ANKS1B: variants seen among roughly 807,000 people sequenced by gnomAD.
ANKS1B encodes ankyrin repeat and sterile alpha motif domain containing 1B, also known as ankyrin repeat and sterile alpha motif domain-containing protein 1B.
Under a neutral mutation model 148.3 loss-of-function variants are expected in ANKS1B, and 36 were observed. That is an observed-to-expected ratio of 0.24 (90% CI 0.19 to 0.32). ANKS1B has a LOEUF of 0.32. Among genes scored for constraint, ANKS1B ranks in the 10% least tolerant of loss-of-function variants. ANKS1B has a pLI of 1.00. For missense variants in ANKS1B, 1,157 were observed against 1,542.6 expected (o/e 0.75, Z 4.19); for synonymous variants, 542 against 560.8 (o/e 0.97, Z 0.47).
At chr12:99,964,909 G>C (rs1297657858) in intron 1 of ANKS1B, among the ~76,000 whole-genome samples, 2 of 152,120 alleles carry the variant, frequency 1.3e-5, no homozygotes, top group African/African-American at 4.8e-5. Flanking sequence ...GTGGAGAGGA[G>C]ATTGATAGCA....
chr12:99,227,866 A>G (rs2086194323), intron 14 of ANKS1B, among the ~76,000 whole-genome samples: 1 of 152,166 alleles, frequency 6.6e-6, no homozygotes, highest in African/African-American at 2.4e-5. Flanking sequence ...TAAAGAACTT[A>G]TCTATCTTAC....
chr12:99,002,487 TC>T (rs2099933600), intron 17 of ANKS1B, among the ~76,000 whole-genome samples: 1 of 112,518 alleles, frequency 8.9e-6, no homozygotes, highest in Non-Finnish European at 1.8e-5. Context: ...TGTACTTATC[TC>T]TCTTTTTTTT....
rs1239415138 is a variant in ANKS1B, at chr12:99,431,047, T to G, written c.1575+12626A>C. On this transcript the variant is annotated intron_variant, in intron 11 of 26. Transcript: ENST00000683438. The stretch of plus-strand genomic sequence containing the variant: ...TTCCTCCCAGTGTCTAATATAGTGC[T>G]TAATACTCACTTATTGAATTGAGTT... Among the ~76,000 whole-genome samples, 3 of 152,334 alleles carry G rather than the reference T, an allele frequency of 2.0e-5. No homozygotes were observed. The East Asian group carries it at 5.8e-4, about 29-fold the overall frequency.
chr12:98,887,682 A>G (rs553571201), intron 17 of ANKS1B, among the ~76,000 whole-genome samples: 1 of 151,942 alleles, frequency 6.6e-6, no homozygotes, highest in Non-Finnish European at 1.5e-5. Context: ...ATCTTGGCTC[A>G]CTGCAACCTC....
At chr12:98,838,894 TC>T (rs1362460061) in intron 17 of ANKS1B, among the ~76,000 whole-genome samples, 1 of 152,058 alleles carries the variant, frequency 6.6e-6, no homozygotes, top group Non-Finnish European at 1.5e-5. Context: ...GTCAAAGTTT[TC>T]CCCCCTGCCT....
intron 8 of ANKS1B, among the ~76,000 whole-genome samples, chr12:99,704,152 C>T (rs1202889452): frequency 6.6e-6 from 1 of 151,956 alleles, no homozygotes; most frequent in Non-Finnish European, 1.5e-5. Context: ...AAAGTATGAA[C>T]ATAATCAGCC....
At position 99,703,377 on chromosome 12, in the gene ANKS1B, C is replaced by A. The variant is rs11110006; in HGVS notation, c.1129-48167G>T. Among the ~76,000 whole-genome samples, 1,048 of 152,182 alleles carry A rather than the reference C, an allele frequency of 6.9e-3. 11 individuals are homozygous for A. The highest frequency in any genetic ancestry group is 0.024 in the African/African-American group (995 of 41,542). ...CTAATGTATTCTGTGTGCTTCAAAT[C>A]TTTTTAAAAGAAACTGAATTAACTA... On this transcript the variant is annotated intron_variant, in intron 8 of 26. Coordinates refer to ENST00000683438, the MANE Select transcript of ANKS1B (RefSeq NM_001352186.2).
chr12:99,212,129 C>T (rs531758795), intron 14 of ANKS1B, among the ~76,000 whole-genome samples: 2 of 152,276 alleles, frequency 1.3e-5, no homozygotes, highest in African/African-American at 2.4e-5. Flanking sequence ...ACAGTACTTC[C>T]GTGCTGCTGC....
At chr12:99,337,015 A>T (rs1317620678) in intron 12 of ANKS1B, among the ~76,000 whole-genome samples, 2 of 152,040 alleles carry the variant, frequency 1.3e-5, no homozygotes, top group Non-Finnish European at 2.9e-5. Context: ...TTGGTATTCT[A>T]TCACTTTTTT....
intron 1 of ANKS1B, among the ~76,000 whole-genome samples, chr12:99,951,074 C>G (rs1566067303): frequency 6.6e-6 from 1 of 152,180 alleles, no homozygotes; most frequent in Non-Finnish European, 1.5e-5. Context: ...CACCACTGTC[C>G]TCTACCAGCC....
rs140989201 is a variant in ANKS1B, at chr12:99,085,728, C to A, written c.2527-705G>T. 1.8e-3 allele frequency among the ~76,000 whole-genome samples: 273 copies of A among 152,276 alleles called. 8 individuals are homozygous for A. In the East Asian group the frequency reaches 0.049, roughly 27 times the overall value. On this transcript the variant is annotated intron_variant, in intron 15 of 26. Transcript: ENST00000683438. ...GTCATTTGCAGGGACATGGATGGAGCTGGAGGTCATTATCCTTAGCAAACT... is the reference window on the plus strand; with the variant it reads ...GTCATTTGCAGGGACATGGATGGAGATGGAGGTCATTATCCTTAGCAAACT...
At chr12:99,340,237 G>T (rs2089671593) in intron 12 of ANKS1B, among the ~76,000 whole-genome samples, 1 of 152,050 alleles carries the variant, frequency 6.6e-6, no homozygotes, top group Non-Finnish European at 1.5e-5. Context: ...TGGCTCTGAT[G>T]ATCAAAATTT....
intron 17 of ANKS1B, among the ~76,000 whole-genome samples, chr12:98,835,141 C>T (rs914477063): frequency 1.3e-5 from 2 of 149,006 alleles, no homozygotes; most frequent in Non-Finnish European, 3.0e-5. Flanking sequence ...AAAACTGACA[C>T]TAAATAACAC....
In ANKS1B at chr12:99,106,785, AGTTGTCTTTTAG is replaced by A. The variant is rs142429318; in HGVS notation, c.2527-21774_2527-21763del. Among the ~76,000 whole-genome samples, 611 of 152,372 alleles carry A rather than the reference AGTTGTCTTTTAG, an allele frequency of 4.0e-3. 22 individuals carry two copies. In the East Asian group the frequency reaches 0.084, roughly 21 times the overall value. On this transcript the variant is annotated intron_variant, in intron 15 of 26. Transcript: ENST00000683438. Reference sequence around the variant, plus strand: ...TAGTTGCCTTATTGTGCTTCAAAAAAGTTGTCTTTTAGGTTGTCTTAAAATTTGGTTACGAAT... The same window carrying A: ...TAGTTGCCTTATTGTGCTTCAAAAAAGTTGTCTTAAAATTTGGTTACGAAT...
chr12:99,567,553 G>A (rs1451174664), intron 9 of ANKS1B, among the ~76,000 whole-genome samples: 1 of 151,952 alleles, frequency 6.6e-6, no homozygotes, highest in Admixed American at 6.6e-5. Context: ...GAACAACCTT[G>A]GTTCAGAAGT....
intron 8 of ANKS1B, among the ~76,000 whole-genome samples, chr12:99,714,749 G>T (rs1473285271): frequency 6.6e-6 from 1 of 152,010 alleles, no homozygotes; most frequent in Non-Finnish European, 1.5e-5. Flanking sequence ...CAATAATATT[G>T]AAATTAGACT....
chr12:99,283,906 C>T (rs2078787255), intron 12 of ANKS1B, among the ~76,000 whole-genome samples: 1 of 152,050 alleles, frequency 6.6e-6, no homozygotes, highest in South Asian at 2.1e-4. Context: ...CAACATTTAC[C>T]ACTGAATACT....
At chr12:99,496,057 T>A (rs1210568139) in intron 10 of ANKS1B, among the ~76,000 whole-genome samples, 1 of 146,844 alleles carries the variant, frequency 6.8e-6, no homozygotes, top group Non-Finnish European at 1.5e-5. Context: ...ATGCAGCTGC[T>A]GAATGTGTCC....
chr12:99,922,121 T>A (rs776997984), intron 1 of ANKS1B, among the ~76,000 whole-genome samples: 1 of 152,160 alleles, frequency 6.6e-6, no homozygotes, highest in Admixed American at 6.5e-5. Flanking sequence ...GGAGTTGTTA[T>A]AATTAAATAC....
Sources: allele counts gnomAD v4.1 joint callset (sites outside exome capture counted in the v4.1 genomes callset), GRCh38; gene constraint gnomAD v4.1.1; transcripts MANE v1.5; gene names NCBI Gene and HGNC (gene_info 2026-07-23, HGNC 2026-07-21).